The following CSMD2 variants were observed in gnomAD, a reference collection of about 807,000 sequenced individuals.
The protein encoded by CSMD2 is CUB and sushi domain-containing protein 2.
Under a neutral mutation model 398.5 loss-of-function variants are expected in CSMD2, and 130 were observed. The observed-to-expected ratio is 0.33, with a 90% CI of 0.28 to 0.38. The LOEUF (loss-of-function observed/expected upper bound fraction) is 0.38. Among genes scored for constraint, CSMD2 ranks in the 10% least tolerant of loss-of-function variants. The pLI is 1.00. For missense variants in CSMD2, 3,829 were observed against 4,764.9 expected, an observed-to-expected ratio of 0.80 and a Z score of 5.78; for synonymous variants, 1,828 against 1,908.5, an observed-to-expected ratio of 0.96 and a Z score of 1.10.
At chr1:33,969,615 T>C (rs1194131013) in intron 3 of CSMD2, among the ~76,000 whole-genome samples, 1 of 152,188 alleles carries the variant, frequency 6.6e-6, no homozygotes, top group East Asian at 1.9e-4. Flanking sequence ...AAAGTTAAGG[T>C]TTTGAGAGTT....
chr1:33,987,759 GCACT>G (rs953996880), intron 3 of CSMD2, among the ~76,000 whole-genome samples: 33 of 152,092 alleles, frequency 2.2e-4, no homozygotes, highest in African/African-American at 8.0e-4. Flanking sequence ...CTTTACCCAT[GCACT>G]CACCTATTCC....
At chr1:33,545,825 C>T (rs1656822842) in intron 57 of CSMD2, among the ~76,000 whole-genome samples, 1 of 152,124 alleles carries the variant, frequency 6.6e-6, no homozygotes. Context: ...TTGATTTCTT[C>T]CCTTTTGAGG....
chr1:34,147,196 T>C (rs900187765), intron 1 of CSMD2, among the ~76,000 whole-genome samples: 1 of 152,004 alleles, frequency 6.6e-6, no homozygotes, highest in Non-Finnish European at 1.5e-5. Flanking sequence ...AGGCAGAGCT[T>C]GCAGTGAGCC....
chr1:33,672,426 C>T (rs1269745943), intron 25 of CSMD2, among the ~76,000 whole-genome samples: 1 of 152,246 alleles, frequency 6.6e-6, no homozygotes, highest in East Asian at 1.9e-4. Context: ...GGGGCGCCTG[C>T]CATTGCCCAG....
intron 2 of CSMD2, among the ~76,000 whole-genome samples, chr1:34,044,470 C>A (rs1343266442): frequency 6.6e-6 from 1 of 151,934 alleles, no homozygotes; most frequent in East Asian, 1.9e-4. Context: ...CTCTGGGAAA[C>A]AATAGGCCCA....
chr1:33,629,034 T>C (rs1478503482), intron 32 of CSMD2, among the ~76,000 whole-genome samples: 1 of 148,638 alleles, frequency 6.7e-6, no homozygotes, highest in East Asian at 2.0e-4. Flanking sequence ...ATATGCATGG[T>C]ACAGAAAGTA....
At chr1:33,997,269 G>C (rs117799266) in intron 3 of CSMD2, among the ~76,000 whole-genome samples, 2 of 152,346 alleles carry the variant, frequency 1.3e-5, no homozygotes, top group East Asian at 3.9e-4. Flanking sequence ...GGCCCCAGTG[G>C]AATGGCTCAG....
intron 5 of CSMD2, among the ~76,000 whole-genome samples, chr1:33,855,424 TGAG>T (rs1009003003): frequency 2.0e-5 from 3 of 152,172 alleles, no homozygotes; most frequent in African/African-American, 7.2e-5. Flanking sequence ...CTCACTTTAA[TGAG>T]GAGAAGACCC....
chr1:34,150,068 T>A (rs1640145746), intron 1 of CSMD2, among the ~76,000 whole-genome samples: 1 of 150,304 alleles, frequency 6.7e-6, no homozygotes, highest in South Asian at 2.1e-4. Flanking sequence ...AAATCTACAT[T>A]TTTCTTCTTT....
chr1:34,102,409 A>C (rs1436667188), intron 1 of CSMD2, among the ~76,000 whole-genome samples: 3 of 152,150 alleles, frequency 2.0e-5, no homozygotes, highest in Non-Finnish European at 4.4e-5. Context: ...ACTGAGAAAG[A>C]CTTCTCTCAA....
chr1:33,554,304 C>T (rs1380107265), intron 55 of CSMD2, among the ~76,000 whole-genome samples: 3 of 150,316 alleles, frequency 2.0e-5, no homozygotes, highest in Non-Finnish European at 4.4e-5. Flanking sequence ...AGCAATTCCC[C>T]TGCCTCAGCC....
intron 2 of CSMD2, among the ~76,000 whole-genome samples, chr1:34,069,260 C>A (rs1655454146): frequency 6.6e-6 from 1 of 152,064 alleles, no homozygotes; most frequent in African/African-American, 2.4e-5. Flanking sequence ...TGCTGAGACC[C>A]CCCATGTACA....
At chr1:33,822,994 G>A (rs1658331164) in intron 7 of CSMD2, among the ~76,000 whole-genome samples, 1 of 152,170 alleles carries the variant, frequency 6.6e-6, no homozygotes. Context: ...AGAACATATG[G>A]CGGTTCCCTT....
intron 5 of CSMD2, among the ~76,000 whole-genome samples, chr1:33,914,866 T>C (rs1275033094): frequency 6.6e-6 from 1 of 152,268 alleles, no homozygotes; most frequent in African/African-American, 2.4e-5. Context: ...CTTTGTTTTA[T>C]GAATAATATT....
At chr1:33,680,686 C>A (rs1201678439) in intron 25 of CSMD2, among the ~76,000 whole-genome samples, 1 of 152,118 alleles carries the variant, frequency 6.6e-6, no homozygotes, top group Non-Finnish European at 1.5e-5. Context: ...CCTCTCCCCC[C>A]ATTCTCTTTT....
At chr1:33,675,591 C>T (rs1456982927) in intron 25 of CSMD2, among the ~76,000 whole-genome samples, 1 of 152,198 alleles carries the variant, frequency 6.6e-6, no homozygotes, top group Admixed American at 6.5e-5. Context: ...AGAGGGAATC[C>T]TCCCTAACTC....
intron 25 of CSMD2, among the ~76,000 whole-genome samples, chr1:33,671,860 C>A (rs1265539599): frequency 1.3e-5 from 2 of 152,164 alleles, no homozygotes; most frequent in Non-Finnish European, 2.9e-5. Context: ...GTCCTCAGTT[C>A]TTTTACTCTG....
intron 46 of CSMD2, 98 bp from the exon 47 acceptor site, chr1:33,583,928 A>T: frequency 9.9e-7 from 1 of 1,010,424 alleles, no homozygotes; most frequent in Non-Finnish European, 1.5e-6. Context: ...ACCCCTAGAA[A>T]ATCAGTATTT....
chr1:33,588,943 G>A (rs1057119964), intron 44 of CSMD2, among the ~76,000 whole-genome samples: 14 of 152,108 alleles, frequency 9.2e-5, no homozygotes, highest in African/African-American at 3.4e-4. Context: ...AAGTCCGCAT[G>A]GGATTCTGAC....
Sources: allele counts gnomAD v4.1 joint callset (sites outside exome capture counted in the v4.1 genomes callset), GRCh38; gene constraint gnomAD v4.1.1; transcripts MANE v1.5; gene names NCBI Gene and HGNC (gene_info 2026-07-23, HGNC 2026-07-21).